Variants in PDE4B observed in about 807,000 individuals in gnomAD.
PDE4B encodes 3',5'-cyclic-AMP phosphodiesterase 4B.
Under a neutral mutation model 82.2 loss-of-function variants are expected in PDE4B, and 20 were observed. That is an observed-to-expected ratio of 0.24 (90% CI 0.17 to 0.35). PDE4B has a LOEUF of 0.35. Among genes scored for constraint, PDE4B ranks in the 10% least tolerant of loss-of-function variants. PDE4B has a pLI of 1.00. For missense variants in PDE4B, 655 were observed against 907.2 expected (o/e 0.72, Z 3.57); for synonymous variants, 320 against 318.9 (o/e 1.00, Z -0.04).
At chr1:66,354,665 C>A (rs1233568647) in intron 8 of PDE4B, 9 of 1,399,316 alleles carry the variant, frequency 6.4e-6, no homozygotes, top group Non-Finnish European at 8.3e-6. Flanking sequence ...GAATGGAGTG[C>A]GAAGATGGGC....
intron 3 of PDE4B, among the ~76,000 whole-genome samples, chr1:66,069,264 GT>G (rs752907380): frequency 1.3e-5 from 2 of 151,940 alleles, no homozygotes; most frequent in Non-Finnish European, 2.9e-5. Context: ...AGGAAAGCAT[GT>G]CTTTCTCTGA....
At chr1:66,317,973 A>G (rs568479453) in intron 7 of PDE4B, among the ~76,000 whole-genome samples, 1 of 152,332 alleles carries the variant, frequency 6.6e-6, no homozygotes, top group Non-Finnish European at 1.5e-5. Context: ...AGGAAAAAAA[A>G]TGTTGAAGGA....
chr1:66,218,236 T>A (rs1650660779), intron 3 of PDE4B, among the ~76,000 whole-genome samples: 1 of 152,080 alleles, frequency 6.6e-6, no homozygotes, highest in Admixed American at 6.6e-5. Flanking sequence ...AGGTTACTCC[T>A]AAGTGATGTC....
At chr1:66,091,313 G>T (rs1414679846) in intron 3 of PDE4B, among the ~76,000 whole-genome samples, 1 of 151,972 alleles carries the variant, frequency 6.6e-6, no homozygotes, top group Non-Finnish European at 1.5e-5. Context: ...TTGGTTATAT[G>T]TAATGACATA....
At chr1:65,879,025 A>T (rs11810192) in intron 1 of PDE4B, among the ~76,000 whole-genome samples, 2,130 of 152,288 alleles carry the variant, frequency 0.014, 69 homozygotes, top group African/African-American at 0.049. Flanking sequence ...TGTCTACTTT[A>T]TGCAAAATTT....
At chr1:66,351,139 T>G (rs1484459968) in intron 8 of PDE4B, among the ~76,000 whole-genome samples, 1 of 152,222 alleles carries the variant, frequency 6.6e-6, no homozygotes, top group Non-Finnish European at 1.5e-5. Context: ...ATCGGAGGAA[T>G]TTTTTATTAG....
intron 3 of PDE4B, among the ~76,000 whole-genome samples, chr1:65,937,010 A>G (rs1648187459): frequency 6.6e-6 from 1 of 152,186 alleles, no homozygotes. Context: ...GAGGCACGGA[A>G]ATAAAGAAGG....
intron 3 of PDE4B, among the ~76,000 whole-genome samples, chr1:66,245,794 G>C (rs897129295): frequency 6.6e-6 from 1 of 152,132 alleles, no homozygotes; most frequent in African/African-American, 2.4e-5. Flanking sequence ...ATCATTTTCT[G>C]CTTCTTATCA....
intron 6 of PDE4B, among the ~76,000 whole-genome samples, chr1:66,261,170 T>C (rs997155626): frequency 2.0e-5 from 3 of 152,172 alleles, no homozygotes; most frequent in African/African-American, 4.8e-5. Flanking sequence ...ATGAAATCAA[T>C]TAGCCATCTC....
At chr1:66,371,056 T>C (rs2050740912) in intron 16 of PDE4B, among the ~76,000 whole-genome samples, 2 of 72,692 alleles carry the variant, frequency 2.8e-5, no homozygotes, top group African/African-American at 7.6e-5. Flanking sequence ...TATACACACA[T>C]CATACATATA....
chr1:66,216,657 G>A (rs1263099981), intron 3 of PDE4B, among the ~76,000 whole-genome samples: 1 of 152,134 alleles, frequency 6.6e-6, no homozygotes, highest in Non-Finnish European at 1.5e-5. Flanking sequence ...ACCTCTGAAA[G>A]TGTCTCAAAG....
At chr1:66,100,245 G>A (rs1645195864) in intron 3 of PDE4B, among the ~76,000 whole-genome samples, 1 of 152,140 alleles carries the variant, frequency 6.6e-6, no homozygotes, top group Non-Finnish European at 1.5e-5. Flanking sequence ...TAGAGATGGG[G>A]TTTCCTCATG....
intron 16 of PDE4B, 72 bp from the exon 17 acceptor site, chr1:66,372,241 G>A: frequency 6.9e-7 from 1 of 1,446,144 alleles, no homozygotes; most frequent in East Asian, 2.3e-5. Flanking sequence ...TTCTTTGCAT[G>A]GAAACCAGGA....
chr1:65,795,271 A>G (rs1041270719), intron 1 of PDE4B, among the ~76,000 whole-genome samples: 1 of 152,272 alleles, frequency 6.6e-6, no homozygotes, highest in East Asian at 1.9e-4. Context: ...AATTTGGCTA[A>G]GGAGCAAGAG....
chr1:66,186,877 A>C (rs1647238828), intron 3 of PDE4B, among the ~76,000 whole-genome samples: 2 of 152,296 alleles, frequency 1.3e-5, no homozygotes, highest in East Asian at 3.9e-4. Context: ...TATGTTGAAT[A>C]GGAGTGATGA....
intron 1 of PDE4B, among the ~76,000 whole-genome samples, chr1:65,846,616 C>A (rs1557776289): frequency 6.6e-6 from 1 of 152,196 alleles, no homozygotes; most frequent in East Asian, 1.9e-4. Flanking sequence ...GTGAATGAAA[C>A]AGAGGGGCAA....
intron 7 of PDE4B, among the ~76,000 whole-genome samples, chr1:66,285,194 A>T (rs2101794498): frequency 6.6e-6 from 1 of 152,292 alleles, no homozygotes; most frequent in African/African-American, 2.4e-5. Context: ...GTGAGTTCTT[A>T]AAAAGGTAAA....
At position 66,140,281 on chromosome 1, in the gene PDE4B, C is replaced by G. The variant is rs569529696; in HGVS notation, c.282-107179C>G. The stretch of plus-strand genomic sequence containing the variant: ...TGCAAATCCAGAAAGGCCAGCCACT[C>G]GAAACCGCCTCAGAGAGGGCCAGGA... On this transcript the variant is annotated intron_variant, in intron 3 of 16. Coordinates refer to ENST00000341517, the MANE Select transcript of PDE4B (RefSeq NM_002600.4). Among the ~76,000 whole-genome samples the G allele has an allele frequency of 2.6e-5, 4 of 152,228 alleles. No homozygotes were observed. The East Asian group carries it at 5.8e-4, about 22-fold the overall frequency.
intron 3 of PDE4B, among the ~76,000 whole-genome samples, chr1:66,203,389 G>C (rs778455237): frequency 6.6e-6 from 1 of 152,072 alleles, no homozygotes; most frequent in Non-Finnish European, 1.5e-5. Context: ...ATCTGAAGTT[G>C]GCCTGCCTTG....
Sources: allele counts gnomAD v4.1 joint callset (sites outside exome capture counted in the v4.1 genomes callset), GRCh38; gene constraint gnomAD v4.1.1; transcripts MANE v1.5; gene names NCBI Gene and HGNC (gene_info 2026-07-23, HGNC 2026-07-21).